The following PHLPP1 variants were observed in gnomAD, a reference collection of about 807,000 sequenced individuals.
PHLPP1 encodes the protein PH domain leucine-rich repeat-containing protein phosphatase 1.
PHLPP1 carries 42 observed loss-of-function variants against 117.2 expected under a neutral mutation model. The observed-to-expected ratio is 0.36, with a 90% CI of 0.28 to 0.46. The LOEUF (loss-of-function observed/expected upper bound fraction) is 0.46, where lower values mean the gene tolerates loss of function less well. Ranked by LOEUF, PHLPP1 falls within the 20% of genes least tolerant of loss-of-function variation. PHLPP1 has a pLI of 1.00. For missense variants in PHLPP1, 2,084 were observed against 2,241.9 expected (o/e 0.93, Z 1.42); for synonymous variants, 1,042 against 970.7 (o/e 1.07, Z -1.37).
At chr18:62,873,700 C>T (rs2144376000) in intron 4 of PHLPP1, among the ~76,000 whole-genome samples, 1 of 152,230 alleles carries the variant, frequency 6.6e-6, no homozygotes, top group South Asian at 2.1e-4. Context: ...CTTGATAAAT[C>T]ATGTACAGTA....
chr18:62,941,764 C>A lies in PHLPP1; in HGVS notation c.3007C>A (p.Pro1003Thr), dbSNP rs1910135269. 6 of 1,613,792 alleles carry A rather than the reference C, an allele frequency of 3.7e-6. No homozygotes were observed. The highest frequency in any genetic ancestry group is 3.3e-4 in the Middle Eastern group (2 of 6,062). ...ASANKLESLP[P>T]ATLSEETNSI... ...TGCGAACAAACTGGAAAGCCTTCCT[C>A]CAGCCACGCTTTCCGAAGAGACAAA... Residue 1003 changes from proline to threonine, a missense_variant, in exon 11 of 17, where the codon CCA (proline) becomes ACA (threonine). Pro to Thr is a conservative substitution (Grantham distance 38, BLOSUM62 -1). This residue lies in a region of PHLPP1 where 1,365 missense variants were observed against 1,605.9 expected (regional missense o/e 0.85). Transcript: ENST00000262719.
chr18:62,902,303 T>G (rs933319810), intron 6 of PHLPP1, among the ~76,000 whole-genome samples: 1 of 152,162 alleles, frequency 6.6e-6, no homozygotes, highest in African/African-American at 2.4e-5. Flanking sequence ...TTCAGTATTT[T>G]CTGCACTTCA....
At chr18:62,898,512 C>T (rs555679277) in intron 6 of PHLPP1, among the ~76,000 whole-genome samples, 20 of 152,224 alleles carry the variant, frequency 1.3e-4, no homozygotes, top group East Asian at 3.9e-4. Context: ...TCAGAGCCTG[C>T]GGTTCTCTAG....
At chr18:62,723,433 TAGAG>T (rs1414589942) in intron 1 of PHLPP1, among the ~76,000 whole-genome samples, 13 of 152,206 alleles carry the variant, frequency 8.5e-5, no homozygotes, top group Admixed American at 2.0e-4. Flanking sequence ...AAAGTGAAGT[TAGAG>T]AGAATTTGAA....
chr18:62,784,932 A>G (rs1913233930), intron 1 of PHLPP1, among the ~76,000 whole-genome samples: 1 of 152,240 alleles, frequency 6.6e-6, no homozygotes, highest in Admixed American at 6.5e-5. Flanking sequence ...ATATAGCATA[A>G]ATGCTAGAGG....
intron 1 of PHLPP1, among the ~76,000 whole-genome samples, chr18:62,806,725 TC>T (rs946838513): frequency 6.6e-6 from 1 of 152,220 alleles, no homozygotes; most frequent in Non-Finnish European, 1.5e-5. Context: ...TAGCTTGACA[TC>T]TTTTTTGAAA....
At chr18:62,937,097 C>T (rs1245679065) in intron 10 of PHLPP1, among the ~76,000 whole-genome samples, 1 of 152,116 alleles carries the variant, frequency 6.6e-6, no homozygotes, top group East Asian at 1.9e-4. Context: ...GTTATGGTAC[C>T]AAATCCTGTG....
In PHLPP1 at chr18:62,715,870, G is replaced by C; in HGVS notation, c.187G>C (p.Gly63Arg). 1.2e-6 allele frequency: 1 copy of C among 830,318 alleles called. No homozygotes were observed. The highest frequency in any genetic ancestry group is 1.5e-6 in the Non-Finnish European group (1 of 688,870). 51.4% of individuals were successfully genotyped at this position (830,318 alleles called of 1,614,324 possible). Reference protein sequence around the residue: ...PALTPAAPSGGNGSGSGAREE... With the variant: ...PALTPAAPSGRNGSGSGAREE... ...GCTGACCCCGGCGGCCCCGAGCGGCGGGAACGGCAGCGGCAGCGGGGCGCG... is the reference window on the plus strand; with the variant it reads ...GCTGACCCCGGCGGCCCCGAGCGGCCGGAACGGCAGCGGCAGCGGGGCGCG... The change falls in exon 1 of 17, where the codon GGG becomes CGG. Residue 63 changes from glycine to arginine, a missense_variant. By Grantham distance (125) the Gly-to-Arg change is moderately radical. Coordinates refer to ENST00000262719, the MANE Select transcript of PHLPP1 (RefSeq NM_194449.4).
At chr18:62,808,547 G>GTTTTTTTTTTGTTTTT (rs1555673585) in intron 1 of PHLPP1, among the ~76,000 whole-genome samples, 23 of 142,438 alleles carry the variant, frequency 1.6e-4, no homozygotes, top group Admixed American at 4.9e-4. Context: ...TCATCTCTCT[G>GTTTTTTTTTTGTTTTT]TTTTTTTTTG....
At position 62,784,256 on chromosome 18, in the gene PHLPP1, A is replaced by G. The variant is rs1020699058; in HGVS notation, c.1577-45779A>G. ...TTGACATTTGTCATTGGACAGTGAA[A>G]CATCCTACAATACACAGGATAGCCT... On this transcript the variant is annotated intron_variant, in intron 1 of 16. Transcript: ENST00000262719. Among the ~76,000 whole-genome samples the G allele has an allele frequency of 2.0e-5, 3 of 152,244 alleles. No homozygotes were observed. The South Asian group carries it at 6.2e-4, about 31-fold the overall frequency.
chr18:62,945,034 T>C, intron 11 of PHLPP1, 75 bp from the exon 12 acceptor site: 7 of 1,117,450 alleles, frequency 6.3e-6, no homozygotes, highest in Non-Finnish European at 7.4e-6. Flanking sequence ...CTTAAAGTCA[T>C]AGCAATTTAA....
intron 12 of PHLPP1, among the ~76,000 whole-genome samples, chr18:62,957,322 C>T (rs748887119): frequency 1.6e-4 from 24 of 152,112 alleles, no homozygotes; most frequent in African/African-American, 3.9e-4. Context: ...TTTCTACTTA[C>T]AGGTAAAACC....
intron 10 of PHLPP1, among the ~76,000 whole-genome samples, chr18:62,929,679 G>T (rs1909749903): frequency 6.6e-6 from 1 of 152,228 alleles, no homozygotes; most frequent in Non-Finnish European, 1.5e-5. Context: ...TGGGAGTGGT[G>T]GCTCATGCGT....
intron 4 of PHLPP1, among the ~76,000 whole-genome samples, chr18:62,867,213 T>C (rs1915791510): frequency 6.6e-6 from 1 of 152,192 alleles, no homozygotes; most frequent in South Asian, 2.1e-4. Flanking sequence ...TTTGGCTCTT[T>C]CTGCCGTTTT....
chr18:62,735,564 AAACAACAACAACAACAACAAC>A (rs34600395), intron 1 of PHLPP1, among the ~76,000 whole-genome samples: 5 of 142,876 alleles, frequency 3.5e-5, no homozygotes, highest in African/African-American at 1.2e-4. Context: ...CCCCCCATCA[AAACAACAACAACAACAACAAC>A]AACAACAACA....
chr18:62,888,264 A>G (rs986195652), intron 4 of PHLPP1, among the ~76,000 whole-genome samples: 1 of 151,652 alleles, frequency 6.6e-6, no homozygotes, highest in African/African-American at 2.4e-5. Flanking sequence ...TTTAAAATAG[A>G]ATTATTTAAA....
At chr18:62,902,776 C>T (rs1282983660) in intron 6 of PHLPP1, among the ~76,000 whole-genome samples, 188 bp from the exon 7 acceptor site, 4 of 152,066 alleles carry the variant, frequency 2.6e-5, no homozygotes, top group African/African-American at 7.2e-5. Flanking sequence ...GTTAAAACCT[C>T]CTGGAATTAT....
chr18:62,902,437 C>T lies in PHLPP1; in HGVS notation c.2445-527C>T, dbSNP rs186744833. On this transcript the variant is annotated intron_variant, in intron 6 of 16. Transcript: ENST00000262719. The stretch of plus-strand genomic sequence containing the variant: ...TCCCATTCAGTGTGCAACTCTTATT[C>T]GTTGTGTGACTCCCGTCCATTACTG... Among the ~76,000 whole-genome samples the T allele has an allele frequency of 1.3e-4, 20 of 152,308 alleles. No homozygotes were observed. The East Asian group carries it at 3.7e-3, about 28-fold the overall frequency.
At chr18:62,958,324 C>T (rs1002124134) in intron 12 of PHLPP1, among the ~76,000 whole-genome samples, 2 of 152,088 alleles carry the variant, frequency 1.3e-5, no homozygotes, top group African/African-American at 4.8e-5. Context: ...ATAAGAAAAT[C>T]TATTAGGATT....
Sources: allele counts gnomAD v4.1 joint callset (sites outside exome capture counted in the v4.1 genomes callset), GRCh38; gene constraint gnomAD v4.1.1; regional missense constraint gnomAD v4.1.1; transcripts MANE v1.5; gene names NCBI Gene and HGNC (gene_info 2026-07-23, HGNC 2026-07-21).